CHD5: variants seen among roughly 807,000 people sequenced by gnomAD.
CHD5 encodes the protein chromodomain helicase DNA binding protein 5, also known as ATP-dependent chromatin remodeler CHD5.
Under a neutral mutation model 230.3 loss-of-function variants are expected in CHD5, and 69 were observed. The ratio of observed to expected loss-of-function variants is 0.30; its 90% CI spans 0.25 to 0.37. CHD5 has a LOEUF of 0.37. Among genes scored for constraint, CHD5 ranks in the 10% least tolerant of loss-of-function variants. CHD5 has a pLI of 1.00. For missense variants in CHD5, 1,827 were observed against 2,622.8 expected, an observed-to-expected ratio of 0.70 and a Z score of 6.63; for synonymous variants, 1,064 against 1,065.9, an observed-to-expected ratio of 1.00 and a Z score of 0.03.
chr1:6,118,095 T>C (rs1666404961), intron 33 of CHD5, among the ~76,000 whole-genome samples: 1 of 152,002 alleles, frequency 6.6e-6, no homozygotes, highest in Non-Finnish European at 1.5e-5. Flanking sequence ...TATTTGGGCA[T>C]AAAAAGAAAT....
chr1:6,108,593 G>A (rs145413368), intron 38 of CHD5, among the ~76,000 whole-genome samples: 3 of 150,966 alleles, frequency 2.0e-5, no homozygotes, highest in Admixed American at 6.6e-5. Context: ...ATGGAGGGGT[G>A]GAAGGATGGA....
Position 6,129,058 on chromosome 1 carries a change from G to T in CHD5, c.3399C>A (p.Arg1133=). 1 of 1,601,896 alleles carries T rather than the reference G, an allele frequency of 6.2e-7. No homozygotes were observed. The change falls in exon 23 of 42, where the codon CGC becomes CGA. Residue 1133 remains arginine, a synonymous_variant. Coordinates refer to ENST00000262450, the MANE Select transcript of CHD5 (RefSeq NM_015557.3). The surrounding 1 kb of genome is among the most constrained non-coding windows in gnomAD (Gnocchi z 6.8). The part of the protein sequence containing the change: ...NPHNDIQAFS[R]AHRIGQNKKV... ...TCTTGTTCTGGCCGATGCGGTGGGC[G>T]CGGCTGAAGGCCTGGGGAGACCTGC...
intron 31 of CHD5, among the ~76,000 whole-genome samples, chr1:6,122,601 G>A (rs1013495116): frequency 6.6e-6 from 1 of 152,172 alleles, no homozygotes; most frequent in Non-Finnish European, 1.5e-5. Context: ...GGAAAACAGG[G>A]TTATCACACG....
chr1:6,146,771 G>A lies in CHD5; in HGVS notation c.1484C>T (p.Pro495Leu). Residue 495 changes from proline (P) to leucine (L), a missense_variant, in exon 10 of 42, where the codon CCC becomes CTC. Coordinates refer to ENST00000262450, the MANE Select transcript of CHD5 (RefSeq NM_015557.3). The surrounding 1 kb of genome is among the most constrained non-coding windows in gnomAD (Gnocchi z 5.1). The stretch of plus-strand genomic sequence containing the variant: ...CAGGGGCTTAGGTGGAGGGAGGCTG[G>A]GCTCCACGTCAGGCCCCGGCAGCCC... ...MVGLPGPDVE[P>L]SLPPPKPLEG... is the part of the protein sequence containing the mutation. 2 of 1,605,328 alleles carry A rather than the reference G, an allele frequency of 1.2e-6. No individual in the cohort carries two copies. The highest frequency in any genetic ancestry group is 1.7e-6 in the Non-Finnish European group (2 of 1,174,784).
chr1:6,163,029 C>G (rs942514665), intron 2 of CHD5, among the ~76,000 whole-genome samples: 2 of 152,198 alleles, frequency 1.3e-5, no homozygotes, highest in Admixed American at 6.5e-5. Context: ...GGAGCAGCAG[C>G]GCATGCCACC....
At chr1:6,169,190 C>T (rs534818838) in intron 1 of CHD5, among the ~76,000 whole-genome samples, 3 of 152,300 alleles carry the variant, frequency 2.0e-5, no homozygotes, top group South Asian at 2.1e-4. Flanking sequence ...TATCGTATCT[C>T]CTCGTGGATC....
In CHD5 at chr1:6,129,685, C is replaced by T. The variant is rs1036348549; in HGVS notation, c.3387+519G>A. Among the ~76,000 whole-genome samples, 4 of 152,124 alleles carry T rather than the reference C, an allele frequency of 2.6e-5. No individual in the cohort carries two copies. Among genetic ancestry groups the T allele is most frequent in the African/African-American group, 4.8e-5 (2 of 41,420 alleles). On this transcript the variant is annotated intron_variant, in intron 22 of 41. Transcript: ENST00000262450. The surrounding 1 kb of genome is among the most constrained non-coding windows in gnomAD (Gnocchi z 6.8). Reference sequence around the variant, plus strand: ...CATTCAATGTGTGTGTCCCAGCGCCCGAGAGGGGTGGCCAGGTACACTAGG... The same window carrying T: ...CATTCAATGTGTGTGTCCCAGCGCCTGAGAGGGGTGGCCAGGTACACTAGG...
intron 2 of CHD5, among the ~76,000 whole-genome samples, chr1:6,161,152 G>A: frequency 6.6e-6 from 1 of 150,482 alleles, no homozygotes; most frequent in East Asian, 1.9e-4. Flanking sequence ...GGAAAGGGTG[G>A]CAGAAGGAAA....
intron 2 of CHD5, among the ~76,000 whole-genome samples, 191 bp from the exon 3 acceptor site, chr1:6,159,706 C>T (rs2100873150): frequency 6.6e-6 from 1 of 152,356 alleles, no homozygotes; most frequent in African/African-American, 2.4e-5. Context: ...CAACCCCAAG[C>T]CAGCCTGAGC....
At chr1:6,107,911 T>G (rs2100828976) in intron 38 of CHD5, among the ~76,000 whole-genome samples, 1 of 71,720 alleles carries the variant, frequency 1.4e-5, no homozygotes. Context: ...GATGGAGGGA[T>G]AATGGAAGAT....
intron 1 of CHD5, among the ~76,000 whole-genome samples, chr1:6,174,381 T>TGTATAG (rs1481432553): frequency 1.3e-5 from 2 of 152,154 alleles, no homozygotes; most frequent in Non-Finnish European, 2.9e-5. Flanking sequence ...GACGGATAAT[T>TGTATAG]GTATAGTGAA....
In CHD5 at chr1:6,168,201, T is replaced by A. The variant is rs964095593; in HGVS notation, c.156A>T (p.Lys52Asn). ...VEPVSLPKKK[K>N]PKKLKENKCK... ...ACTTGTTTTCCTTGAGCTTCTTGGG[T>A]TTCTTCTTCTTAGGAAGGCTCACGG... The change falls in exon 2 of 42, where the codon AAA (lysine) becomes AAT (asparagine). Residue 52 changes from lysine to asparagine, a missense_variant. Lys to Asn is a moderately conservative substitution (Grantham distance 94, BLOSUM62 0). Coordinates refer to ENST00000262450, the MANE Select transcript of CHD5 (RefSeq NM_015557.3). 142 of 1,612,174 alleles carry A rather than the reference T, an allele frequency of 8.8e-5. No homozygotes were observed. The Middle Eastern group carries it at 1.2e-3, about 13-fold the overall frequency.
Position 6,124,621 on chromosome 1 carries a change from C to T in CHD5, c.4435G>A (p.Gly1479Arg). The T allele has an allele frequency of 6.3e-7, 1 of 1,595,636 alleles. No homozygotes were observed. Among genetic ancestry groups the T allele is most frequent in the Non-Finnish European group, 8.5e-7 (1 of 1,172,178 alleles). Reference protein sequence around the residue: ...SLFMRHLCEPGADGAETFADG... With the variant: ...SLFMRHLCEPRADGAETFADG... ...GCGAAGGTCTCTGCACCATCCGCCC[C>T]CGGCTCACACAGGTGCCGCATGAAG... The change falls in exon 30 of 42, where the codon GGG (glycine) becomes AGG (arginine). Residue 1479 changes from glycine (G) to arginine (R), a missense_variant. Gly to Arg is a moderately radical substitution (Grantham distance 125, BLOSUM62 -2). Coordinates refer to ENST00000262450, the MANE Select transcript of CHD5 (RefSeq NM_015557.3).
Position 6,134,359 on chromosome 1 carries a change from G to T in CHD5, c.3013-100C>A. The T allele has an allele frequency of 1.4e-6, 2 of 1,387,402 alleles. No homozygotes were observed. Among genetic ancestry groups the T allele is most frequent in the South Asian group, 2.5e-5 (2 of 80,014 alleles). The allele number at this position is 1,387,402 out of a possible 1,614,324, so 85.9% of individuals were successfully genotyped here. ...GGAACAGACAAGTGCTGAGCAATGG[G>T]GTGATGGCCTGTCTGCCCACTGAAC... is the stretch of plus-strand genomic sequence containing the variant. On this transcript the variant is annotated intron_variant, in intron 19 of 41. Transcript: ENST00000262450. The surrounding 1 kb of genome is among the most constrained non-coding windows in gnomAD (Gnocchi z 6.3).
chr1:6,123,254 T>C lies in CHD5; in HGVS notation c.4699+694A>G, dbSNP rs974711383. Reference sequence around the variant, plus strand: ...TGCCATATACACGAACCATCCAGCATTGCGAAATCCAGAAACAGGAAGCAG... The same window carrying C: ...TGCCATATACACGAACCATCCAGCACTGCGAAATCCAGAAACAGGAAGCAG... On this transcript the variant is annotated intron_variant, in intron 31 of 41. Transcript: ENST00000262450. 1.1e-4 allele frequency among the ~76,000 whole-genome samples: 16 copies of C among 151,944 alleles called. No homozygotes were observed. The East Asian group carries it at 1.2e-3, about 11-fold the overall frequency.
Position 6,167,541 on chromosome 1 carries a change from G to A in CHD5, c.207+609C>T, listed in dbSNP as rs1285174676. Among the ~76,000 whole-genome samples, 1 of 152,168 alleles carries A rather than the reference G, an allele frequency of 6.6e-6. No homozygotes were observed. The highest frequency in any genetic ancestry group is 6.5e-5 in the Admixed American group (1 of 15,272). On this transcript the variant is annotated intron_variant, in intron 2 of 41. Transcript: ENST00000262450. The surrounding 1 kb of genome is among the most constrained non-coding windows in gnomAD (Gnocchi z 4.5). ...CCCTCCCATGCCACCAATTTCCAGG[G>A]CTGATCATGAGGATCAAGTGAGCCC...
chr1:6,133,079 C>A (rs1019536893), intron 20 of CHD5, among the ~76,000 whole-genome samples: 8 of 152,010 alleles, frequency 5.3e-5, no homozygotes, highest in Admixed American at 4.6e-4. Context: ...TATTTGGATT[C>A]TATTTATTGT....
rs927280895 is a variant in CHD5, at chr1:6,105,542, GC to G, written c.*47-116del. ...TATCACAACCAACTATGATCGGGGT[GC>G]CCCCCAGCCATGACCTCCCAGCCAC... On this transcript the variant is annotated intron_variant, in intron 41 of 41. Coordinates refer to ENST00000262450, the MANE Select transcript of CHD5 (RefSeq NM_015557.3). The surrounding 1 kb of genome is among the most constrained non-coding windows in gnomAD (Gnocchi z 4.8). 5.7e-6 allele frequency: 2 copies of G among 349,754 alleles called. No individual in the cohort carries two copies. 21.7% of individuals were successfully genotyped at this position (349,754 alleles called of 1,614,324 possible). A position where few individuals can be genotyped will look rare whatever the true frequency, so the allele number is the denominator to read the frequency against.
In CHD5 at chr1:6,128,428, G is replaced by A; in HGVS notation, c.3730+71C>T. 1.5e-6 allele frequency: 2 copies of A among 1,354,320 alleles called. No individual in the cohort carries two copies. The highest frequency in any genetic ancestry group is 1.8e-5 in the Admixed American group (1 of 54,874). 83.9% of individuals were successfully genotyped at this position (1,354,320 alleles called of 1,614,324 possible). ...GGACGCCCAAGTGAGGGCAGGTCAG[G>A]GAACCCCTCCTCTGCAGGAGCAGCC... On this transcript the variant is annotated intron_variant, in intron 24 of 41. Coordinates refer to ENST00000262450, the MANE Select transcript of CHD5 (RefSeq NM_015557.3). The surrounding 1 kb of genome is among the most constrained non-coding windows in gnomAD (Gnocchi z 7.8).
Sources: allele counts gnomAD v4.1 joint callset (sites outside exome capture counted in the v4.1 genomes callset), GRCh38; gene constraint gnomAD v4.1.1; non-coding constraint Gnocchi (gnomAD v3.1); transcripts MANE v1.5; gene names NCBI Gene and HGNC (gene_info 2026-07-23, HGNC 2026-07-21).